Variants in MAEA observed in about 807,000 individuals in gnomAD.
MAEA encodes macrophage erythroblast attacher, E3 ubiquitin ligase.
In MAEA, 22 loss-of-function variants were observed where a neutral mutation model predicts 46.2. The ratio of observed to expected loss-of-function variants is 0.48; its 90% confidence interval spans 0.34 to 0.68. MAEA has a LOEUF of 0.68. MAEA is among the 30% of genes least tolerant of loss of function. The pLI is 0.01. For missense variants in MAEA, 393 were observed against 558.1 expected (o/e 0.70, Z 2.98); for synonymous variants, 246 against 222.6 (o/e 1.11, Z -0.94).
At chr4:1,294,938 TC>T (rs763744824) in intron 1 of MAEA, among the ~76,000 whole-genome samples, 15 of 151,974 alleles carry the variant, frequency 9.9e-5, no homozygotes, top group African/African-American at 1.7e-4. Flanking sequence ...CCTGGCCGGC[TC>T]TCACCCCAGT....
chr4:1,290,462 A>C (rs568089305), intron 1 of MAEA, among the ~76,000 whole-genome samples: 14 of 152,042 alleles, frequency 9.2e-5, no homozygotes, highest in Non-Finnish European at 2.1e-4. Context: ...GACCTTTTTG[A>C]TGGGCGTCAC....
intron 1 of MAEA, among the ~76,000 whole-genome samples, chr4:1,301,236 G>T (rs576264003): frequency 6.6e-6 from 1 of 152,392 alleles, no homozygotes; most frequent in South Asian, 2.1e-4. Flanking sequence ...GTTTGAGGAA[G>T]CGCATCCTGA....
chr4:1,332,646 G>T (rs1327763457), intron 5 of MAEA, 111 bp from the exon 6 acceptor site: 3 of 748,012 alleles, frequency 4.0e-6, no homozygotes, highest in Non-Finnish European at 6.8e-6. Context: ...CGAGGCTACA[G>T]TGAGCTGTGA....
At chr4:1,316,934 C>CA (rs1468382946) in intron 3 of MAEA, among the ~76,000 whole-genome samples, 10 of 150,086 alleles carry the variant, frequency 6.7e-5, no homozygotes, top group African/African-American at 2.0e-4. Context: ...CCAGGCCCAC[C>CA]CGGCCCCACA....
At position 1,340,095 on chromosome 4, in the gene MAEA, T is replaced by C. The variant is rs1397322798; in HGVS notation, c.*926T>C. On this transcript the variant is annotated 3_prime_UTR_variant, in exon 9 of 9. Transcript: ENST00000303400. Reference sequence around the variant, plus strand: ...TGTTGATGTTGACTAGCTAATAAACTGTAAATGTAAACCATGCGAATAAAA... The same window carrying C: ...TGTTGATGTTGACTAGCTAATAAACCGTAAATGTAAACCATGCGAATAAAA... 1.4e-5 allele frequency: 2 copies of C among 147,564 alleles called. No homozygotes were observed. Among genetic ancestry groups the C allele is most frequent in the African/African-American group, 2.4e-5 (1 of 41,008 alleles). The allele number at this position is 147,564 out of a possible 1,614,324, so 9.1% of individuals were successfully genotyped here. A position where few individuals can be genotyped will look rare whatever the true frequency, so the allele number is the denominator to read the frequency against.
intron 4 of MAEA, chr4:1,323,615 A>C: frequency 4.3e-6 from 3 of 702,542 alleles, no homozygotes; most frequent in Non-Finnish European, 7.8e-6. Flanking sequence ...ATTGGTATGT[A>C]ACCTGCGGCC....
chr4:1,289,929 T>G lies in MAEA; in HGVS notation c.16T>G (p.Ser6Ala). MAVQE[S>A]AAQLSMTLKV... ...CCGCTTCAAGATGGCGGTGCAGGAG[T>G]CGGCGGCTCAGTTGTCCATGACCCT... The change falls in exon 1 of 9, where the codon TCG becomes GCG. Residue 6 changes from serine (S) to alanine (A), a missense_variant. By Grantham distance (99) the Ser-to-Ala change is moderately conservative (BLOSUM62 1). This residue lies in a region of MAEA where 35 missense variants were observed against 20.1 expected (regional missense o/e 1.74). Coordinates refer to ENST00000303400, the MANE Select transcript of MAEA (RefSeq NM_001017405.3). The G allele has an allele frequency of 2.5e-6, 4 of 1,600,712 alleles. No individual in the cohort carries two copies. The highest frequency in any genetic ancestry group is 3.4e-6 in the Non-Finnish European group (4 of 1,173,324).
Position 1,315,498 on chromosome 4 carries a change from CGT to C in MAEA, c.358_359del (p.Trp120GlufsTer38). ...HSSDQPAAAS[V>X]WKRKRMDRMM... The stretch of plus-strand genomic sequence containing the variant: ...GCAGCGACCAGCCCGCGGCGGCCAG[CGT>C]GTGGAAGAGGAAGCGCATGGATCGC... On this transcript the variant is annotated frameshift_variant, in exon 3 of 9. Transcript: ENST00000303400. LOFTEE classifies it high-confidence loss of function. 1 of 1,613,908 alleles carries C rather than the reference CGT, an allele frequency of 6.2e-7. No homozygotes were observed.
intron 5 of MAEA, chr4:1,331,684 G>C (rs1038570366): frequency 1.3e-5 from 2 of 152,336 alleles, no homozygotes; most frequent in African/African-American, 2.4e-5. Context: ...GAGAACGTGG[G>C]GTGCACAGGG....
chr4:1,307,359 T>C (rs894150838), intron 1 of MAEA, among the ~76,000 whole-genome samples: 1 of 152,190 alleles, frequency 6.6e-6, no homozygotes, highest in African/African-American at 2.4e-5. Context: ...TTCTGCTTTA[T>C]GTGTCTAAGA....
chr4:1,338,417 C>T lies in MAEA; in HGVS notation c.900-5C>T, dbSNP rs989512473. The T allele has an allele frequency of 5.0e-6, 8 of 1,607,118 alleles. No homozygotes were observed. The African/African-American group carries it at 8.0e-5, about 16-fold the overall frequency. On this transcript the variant is annotated splice_region_variant and splice_polypyrimidine_tract_variant and intron_variant, in intron 7 of 8. Coordinates refer to ENST00000303400, the MANE Select transcript of MAEA (RefSeq NM_001017405.3). ...CCCCCAACCCTTCCTTGACCCGATG[C>T]TCAGACAGTGCTACAAGGAGGACGG...
intron 6 of MAEA, among the ~76,000 whole-genome samples, chr4:1,334,591 G>A (rs764554570): frequency 6.6e-6 from 1 of 152,242 alleles, no homozygotes; most frequent in African/African-American, 2.4e-5. Flanking sequence ...TAGGCCGGGT[G>A]GAGCATGCAC....
chr4:1,337,334 T>TGGCCTGTGACTGACTCTGCCC, intron 7 of MAEA: 1 of 305,498 alleles, frequency 3.3e-6, no homozygotes, highest in Admixed American at 5.0e-5. Context: ...ACCAAGAACC[T>TGGCCTGTGACTGACTCTGCCC]TGCCTGTGAC....
intron 1 of MAEA, among the ~76,000 whole-genome samples, chr4:1,294,612 C>A (rs1350504683): frequency 2.1e-5 from 3 of 141,260 alleles, no homozygotes; most frequent in African/African-American, 7.6e-5. Flanking sequence ...GGTCTGAGAG[C>A]CTCCATCGGC....
At chr4:1,331,953 G>A (rs1282716741) in intron 5 of MAEA, 1 of 152,882 alleles carries the variant, frequency 6.5e-6, no homozygotes, top group Non-Finnish European at 1.5e-5. Flanking sequence ...TGCATGTGGT[G>A]TGTGGCACGC....
At chr4:1,312,794 G>A (rs1736680322) in intron 2 of MAEA, among the ~76,000 whole-genome samples, 1 of 152,188 alleles carries the variant, frequency 6.6e-6, no homozygotes, top group African/African-American at 2.4e-5. Context: ...CACTGGGATT[G>A]GTGGACAGGG....
At chr4:1,309,880 A>G (rs1736267588) in intron 1 of MAEA, 26 of 1,309,802 alleles carry the variant, frequency 2.0e-5, no homozygotes, top group Non-Finnish European at 2.2e-5. Context: ...GGTGAGGCGG[A>G]CGGCCCGGCA....
chr4:1,327,661 T>A lies in MAEA; in HGVS notation c.614T>A (p.Phe205Tyr). ...CLEFSLRIQE[F>Y]IELIRQNKRL... is the part of the protein sequence containing the mutation. ...GAGTTCAGCCTCAGAATCCAGGAGT[T>A]CATTGAACTCATCCGGCAGAATAAG... Residue 205 changes from phenylalanine to tyrosine, a missense_variant, in exon 5 of 9, where the codon TTC becomes TAC. Phe to Tyr is a conservative substitution (Grantham distance 22). Coordinates refer to ENST00000303400, the MANE Select transcript of MAEA (RefSeq NM_001017405.3). The A allele has an allele frequency of 6.2e-7, 1 of 1,613,952 alleles. No individual in the cohort carries two copies. Among genetic ancestry groups the A allele is most frequent in the African/African-American group, 1.3e-5 (1 of 75,034 alleles).
chr4:1,303,903 G>T (rs1560335554), intron 1 of MAEA, among the ~76,000 whole-genome samples: 1 of 141,080 alleles, frequency 7.1e-6, no homozygotes, highest in African/African-American at 2.9e-5. Context: ...CGGCAGGGCA[G>T]GGTGGGGGTC....
Sources: gnomAD v4.1 joint callset for allele counts (sites outside exome capture counted in the v4.1 genomes callset) on GRCh38, gnomAD v4.1.1 for gene constraint, gnomAD v4.1.1 regional missense constraint, MANE v1.5 for transcripts, NCBI Gene and HGNC (gene_info 2026-07-23, HGNC 2026-07-21) for gene names.